B3GAT2: variants seen among roughly 807,000 people sequenced by gnomAD.
B3GAT2 encodes the protein galactosylgalactosylxylosylprotein 3-beta-glucuronosyltransferase 2.
Under a neutral mutation model 27.8 loss-of-function variants are expected in B3GAT2, and 26 were observed. That is an observed-to-expected ratio of 0.93 (90% CI 0.68 to 1.30). B3GAT2 has a LOEUF of 1.30. Ranked by LOEUF, B3GAT2 falls within the 50% of genes most tolerant of loss-of-function variation. The pLI is 0.00. For synonymous variants in B3GAT2, 218 were observed against 195.1 expected (o/e 1.12, Z -0.98); for missense variants, 458 against 459.0 (o/e 1.00, Z 0.02).
At chr6:70,866,612 C>T (rs370925503) in intron 2 of B3GAT2, among the ~76,000 whole-genome samples, 2 of 151,944 alleles carry the variant, frequency 1.3e-5, no homozygotes, top group African/African-American at 2.4e-5. Context: ...TGAGTAAACT[C>T]GAACACATAA....
intron 1 of B3GAT2, 131 bp from the exon 2 acceptor site, chr6:70,894,403 A>C: frequency 1.0e-6 from 1 of 998,896 alleles, no homozygotes. Context: ...TTCAAAACAG[A>C]ATCCTTCTGC....
chr6:70,956,133 G>C lies in B3GAT2; in HGVS notation c.297C>G (p.Thr99=). The change falls in exon 1 of 4, where the codon ACC becomes ACG. Residue 99 remains threonine, a synonymous_variant. Coordinates refer to ENST00000230053, the MANE Select transcript of B3GAT2 (RefSeq NM_080742.3). ...YSRPVQKAEL[T]RLANTFRQVA... ...CCTGGCGGAACGTGTTGGCCAGGCGGGTCAGCTCCGCTTTCTGCACCGGGC... is the reference window on the plus strand; with the variant it reads ...CCTGGCGGAACGTGTTGGCCAGGCGCGTCAGCTCCGCTTTCTGCACCGGGC... The C allele has an allele frequency of 1.2e-6, 2 of 1,605,264 alleles. No individual in the cohort carries two copies. The highest frequency in any genetic ancestry group is 1.7e-6 in the Non-Finnish European group (2 of 1,175,912).
At chr6:70,915,853 T>G (rs972673876) in intron 1 of B3GAT2, among the ~76,000 whole-genome samples, 5 of 152,328 alleles carry the variant, frequency 3.3e-5, no homozygotes, top group African/African-American at 1.2e-4. Context: ...TCCAGCTTTG[T>G]TCTTTTTGCC....
intron 1 of B3GAT2, among the ~76,000 whole-genome samples, chr6:70,903,188 A>C (rs766719619): frequency 6.6e-6 from 1 of 152,040 alleles, no homozygotes; most frequent in Non-Finnish European, 1.5e-5. Flanking sequence ...TATCTCACAA[A>C]ATTCATAAAA....
Position 70,888,184 on chromosome 6 carries a change from C to T in B3GAT2, c.736+5944G>A, listed in dbSNP as rs138928130. Among the ~76,000 whole-genome samples the T allele has an allele frequency of 5.4e-3, 824 of 151,944 alleles. 4 individuals carry two copies. Among genetic ancestry groups the T allele is most frequent in the Middle Eastern group, 0.034 (10 of 292 alleles). ...ACCCTCCACTGGGACAACACACCCA[C>T]AGTGAATCCTGAGCTTGAAAACTTC... On this transcript the variant is annotated intron_variant, in intron 2 of 3. Transcript: ENST00000230053.
At chr6:70,884,255 G>A (rs1243234701) in intron 2 of B3GAT2, among the ~76,000 whole-genome samples, 1 of 152,120 alleles carries the variant, frequency 6.6e-6, no homozygotes, top group African/African-American at 2.4e-5. Flanking sequence ...GAGACCCGCT[G>A]AATTAGACCC....
chr6:70,909,642 G>A (rs1053927260), intron 1 of B3GAT2, among the ~76,000 whole-genome samples: 3 of 152,150 alleles, frequency 2.0e-5, no homozygotes, highest in African/African-American at 7.2e-5. Flanking sequence ...CACACTGCTT[G>A]GCATCAGATA....
intron 2 of B3GAT2, among the ~76,000 whole-genome samples, chr6:70,877,881 G>A (rs1028511424): frequency 4.6e-5 from 7 of 152,206 alleles, no homozygotes; most frequent in Non-Finnish European, 8.8e-5. Flanking sequence ...GAAGCACAGG[G>A]AGAGACTGGC....
rs147805669 is a variant in B3GAT2, at chr6:70,856,944, CAGA to C, written c.*4716_*4718del. On this transcript the variant is annotated 3_prime_UTR_variant, in exon 4 of 4. Coordinates refer to ENST00000230053, the MANE Select transcript of B3GAT2 (RefSeq NM_080742.3). The stretch of plus-strand genomic sequence containing the variant: ...TTATTCACTGAGCAAACTACAAAAT[CAGA>C]AGAAGTGGCAAAGAAACAACTTTCC... The C allele has an allele frequency of 2.7e-5, 43 of 1,613,940 alleles. No individual in the cohort carries two copies. Among genetic ancestry groups the C allele is most frequent in the Middle Eastern group, 3.3e-4 (2 of 6,060 alleles).
At position 70,858,211 on chromosome 6, in the gene B3GAT2, C is replaced by A; in HGVS notation, c.*3452G>T. The A allele has an allele frequency of 6.2e-7, 1 of 1,613,316 alleles. No individual in the cohort carries two copies. On this transcript the variant is annotated 3_prime_UTR_variant, in exon 4 of 4. Coordinates refer to ENST00000230053, the MANE Select transcript of B3GAT2 (RefSeq NM_080742.3). ...TTGGCCTGCCGCAAGCTCAGCAGCC[C>A]CAGTGGAGCCTCTCACAGGTAGGGG...
chr6:70,926,433 G>A (rs1240894167), intron 1 of B3GAT2, among the ~76,000 whole-genome samples: 2 of 152,006 alleles, frequency 1.3e-5, no homozygotes, highest in Non-Finnish European at 2.9e-5. Flanking sequence ...CTGGAAAAAC[G>A]ATTAGACAAA....
At chr6:70,939,285 T>A (rs563711859) in intron 1 of B3GAT2, among the ~76,000 whole-genome samples, 2,153 of 104,812 alleles carry the variant, frequency 0.021, 98 homozygotes, top group African/African-American at 0.08. Context: ...AGGAACACTT[T>A]TACACTGTTG....
Position 70,859,131 on chromosome 6 carries a change from C to T in B3GAT2, c.*2532G>A, listed in dbSNP as rs1276709961. 8.6e-6 allele frequency: 4 copies of T among 462,860 alleles called. No homozygotes were observed. Among genetic ancestry groups the T allele is most frequent in the Non-Finnish European group, 1.5e-5 (4 of 260,362 alleles). 28.7% of individuals were successfully genotyped at this position (462,860 alleles called of 1,614,324 possible). A position where few individuals can be genotyped will look rare whatever the true frequency, so the allele number is the denominator to read the frequency against. On this transcript the variant is annotated 3_prime_UTR_variant, in exon 4 of 4. Transcript: ENST00000230053. ...TCTAGAGTGATTTCTAACATTAGCA[C>T]AATCACTATATATCACAGTTAATTT...
rs778098066 is a variant in B3GAT2, at chr6:70,956,297, C to T, written c.133G>A (p.Val45Met). The change falls in exon 1 of 4, where the codon GTG becomes ATG. Residue 45 changes from valine to methionine, a missense_variant. By Grantham distance (21) the Val-to-Met change is conservative. Transcript: ENST00000230053. ...TPRPYFSPYA[V>M]GRGGARLPLR... Reference sequence around the variant, plus strand: ...GGGAGTCGGGCGCCCCCGCGGCCCACCGCGTAGGGAGAGAAGTAGGGGCGC... The same window carrying T: ...GGGAGTCGGGCGCCCCCGCGGCCCATCGCGTAGGGAGAGAAGTAGGGGCGC... 1.9e-6 allele frequency: 3 copies of T among 1,600,186 alleles called. No individual in the cohort carries two copies. The highest frequency in any genetic ancestry group is 4.5e-5 in the East Asian group (2 of 44,364).
chr6:70,867,762 A>G (rs1179891287), intron 2 of B3GAT2, among the ~76,000 whole-genome samples: 1 of 152,196 alleles, frequency 6.6e-6, no homozygotes, highest in Non-Finnish European at 1.5e-5. Flanking sequence ...CAGCAATTCT[A>G]CATGAATTTT....
Position 70,859,512 on chromosome 6 carries a change from T to C in B3GAT2, c.*2151A>G. Reference sequence around the variant, plus strand: ...GAAACTGTAAATAAGTCAAGTCAAATGTATTAAATTAAGAACACAGTCTAA... The same window carrying C: ...GAAACTGTAAATAAGTCAAGTCAAACGTATTAAATTAAGAACACAGTCTAA... On this transcript the variant is annotated 3_prime_UTR_variant, in exon 4 of 4. Coordinates refer to ENST00000230053, the MANE Select transcript of B3GAT2 (RefSeq NM_080742.3). The C allele has an allele frequency of 1.3e-6, 1 of 761,854 alleles. No individual in the cohort carries two copies. Among genetic ancestry groups the C allele is most frequent in the Non-Finnish European group, 2.1e-6 (1 of 478,678 alleles). The allele number at this position is 761,854 out of a possible 1,614,324, so 47.2% of individuals were successfully genotyped here. A position where few individuals can be genotyped will look rare whatever the true frequency, so the allele number is the denominator to read the frequency against.
chr6:70,883,944 C>T (rs1052282941), intron 2 of B3GAT2, among the ~76,000 whole-genome samples: 1 of 151,838 alleles, frequency 6.6e-6, no homozygotes, highest in Non-Finnish European at 1.5e-5. Context: ...ATGAGGTTAT[C>T]CCACCTGAGA....
intron 1 of B3GAT2, among the ~76,000 whole-genome samples, chr6:70,900,320 G>A (rs962071179): frequency 6.6e-6 from 1 of 152,004 alleles, no homozygotes; most frequent in African/African-American, 2.4e-5. Context: ...AGTGGTGCTT[G>A]TTCATCACGT....
intron 1 of B3GAT2, among the ~76,000 whole-genome samples, chr6:70,947,175 G>A (rs895925661): frequency 2.5e-4 from 38 of 151,850 alleles, no homozygotes; most frequent in African/African-American, 7.7e-4. Context: ...AAAAGAACTA[G>A]AAAAGCAAGA....
Sources: allele counts gnomAD v4.1 joint callset (sites outside exome capture counted in the v4.1 genomes callset), GRCh38; gene constraint gnomAD v4.1.1; transcripts MANE v1.5; gene names NCBI Gene and HGNC (gene_info 2026-07-23, HGNC 2026-07-21).